Variants in SYT8 observed in about 807,000 individuals in gnomAD.
SYT8 encodes the protein synaptotagmin-8.
SYT8 carries 50 observed loss-of-function variants against 34.9 expected under a neutral mutation model. That is an observed-to-expected ratio of 1.43 (90% confidence interval 1.14 to 1.81). SYT8 has a LOEUF of 1.81. SYT8 is among the 40% of genes most tolerant of loss of function. SYT8 has a pLI of 0.00. For synonymous variants in SYT8, 255 were observed against 234.2 expected (o/e 1.09, Z -0.81); for missense variants, 595 against 529.0 (o/e 1.12, Z -1.22).
At position 1,836,565 on chromosome 11, in the gene SYT8, C is replaced by T. The variant is rs368562699; in HGVS notation, c.657C>T (p.Tyr219=). 4.3e-6 allele frequency: 7 copies of T among 1,611,800 alleles called. No individual in the cohort carries two copies. The highest frequency in any genetic ancestry group is 5.1e-6 in the Non-Finnish European group (6 of 1,179,490). ...TGCAGCATGTTCTGGAGCACTGGTACCTGCTGGGCCCGCCGGCTGCCACTC... is the reference window on the plus strand; with the variant it reads ...TGCAGCATGTTCTGGAGCACTGGTATCTGCTGGGCCCGCCGGCTGCCACTC... ...VDLQHVLEHW[Y]LLGPPAATQP... Residue 219 remains tyrosine, a synonymous_variant, in exon 5 of 8, where the codon TAC becomes TAT. Coordinates refer to ENST00000341958, the MANE Select transcript of SYT8 (RefSeq NM_001394072.1).
intron 5 of SYT8, 60 bp from the exon 6 acceptor site, chr11:1,836,696 C>G: frequency 6.3e-7 from 1 of 1,595,236 alleles, no homozygotes; most frequent in Non-Finnish European, 8.5e-7. Flanking sequence ...TTTCGGGGGT[C>G]TGAGCCCCAA....
At chr11:1,832,246 G>C (rs948228300), upstream of SYT8, among the ~76,000 whole-genome samples, 5 of 152,170 alleles carry the variant, frequency 3.3e-5, no homozygotes, top group Admixed American at 1.3e-4. Flanking sequence ...ATGGGGATGC[G>C]GAGAGGCCTT....
At chr11:1,834,808 G>A, upstream of SYT8, 1 of 674,530 alleles carries the variant, frequency 1.5e-6, no homozygotes, top group Non-Finnish European at 2.6e-6. This position sits in a 1 kb window ranked among gnomAD's most constrained non-coding sequence, Gnocchi z 4.5. Flanking sequence ...TGAAGGCAGG[G>A]ACTAGGCTGC....
chr11:1,834,071 A>T (rs186379969), upstream of SYT8: 27 of 165,318 alleles, frequency 1.6e-4, no homozygotes, highest in Non-Finnish European at 2.5e-4. This position sits in a 1 kb window ranked among gnomAD's most constrained non-coding sequence, Gnocchi z 4.5. Context: ...ATGTGGAGGA[A>T]CAGAGTCTCC....
rs768570485 is a variant in SYT8 at position 1,836,867 on chromosome 11, G to A, written c.790+6G>A. 3.7e-6 allele frequency: 6 copies of A among 1,611,930 alleles called. No individual in the cohort carries two copies. The Admixed American group carries it at 5.0e-5, about 13-fold the overall frequency. On this transcript the variant is annotated splice_donor_region_variant and intron_variant, in intron 6 of 7. Coordinates refer to ENST00000341958, the MANE Select transcript of SYT8 (RefSeq NM_001394072.1). ...CCTGCGTCCAGGACTTGCAGGTGAG[G>A]GTCACACCTGCCCACGTTGTTGTAC...
At position 1,836,272 on chromosome 11, in the gene SYT8, C is replaced by T. The variant is rs368199009; in HGVS notation, c.504C>T (p.Thr168=). ...CGCTCTGCCCCGTGTTTGACGAGAC[C>T]TGCTGCTTCCACGTGAGTCAGGGAT... ...RGTLCPVFDE[T]CCFHIPQAEL... is the part of the protein sequence containing the mutation. Residue 168 remains threonine, a synonymous_variant, in exon 4 of 8, where the codon ACC becomes ACT. Coordinates refer to ENST00000341958, the MANE Select transcript of SYT8 (RefSeq NM_001394072.1). The T allele has an allele frequency of 1.9e-6, 3 of 1,557,404 alleles. No homozygotes were observed. Among genetic ancestry groups the T allele is most frequent in the East Asian group, 4.5e-5 (2 of 43,974 alleles).
At chr11:1,835,784 CG>C in intron 2 of SYT8, 101 bp from the exon 3 acceptor site, 4 of 1,038,728 alleles carry the variant, frequency 3.9e-6, no homozygotes, top group Non-Finnish European at 4.4e-6. Context: ...GGCCTGGAGG[CG>C]GGGGGTCTTG....
chr11:1,835,227 G>T, intron 1 of SYT8, 28 bp downstream of exon 1: 1 of 1,611,136 alleles, frequency 6.2e-7, no homozygotes. Flanking sequence ...CAAGAGGGGT[G>T]TGGGGATAAC....
chr11:1,834,707 T>C (rs1589787002), upstream of SYT8: 57 of 1,243,670 alleles, frequency 4.6e-5, no homozygotes, highest in East Asian at 1.4e-3. The surrounding 1 kb of genome is among the most constrained non-coding windows in gnomAD (Gnocchi z 4.5). Flanking sequence ...GGGCCCAGGG[T>C]CCAGGGCCCA....
chr11:1,835,067 C>A lies in SYT8; in HGVS notation c.-39C>A, dbSNP rs777148962. ...GGGGCCACCCTCCCAGCTGACCCAG[C>A]CTCCTGGGCCGCTTCTTCCAAACCA... On this transcript the variant is annotated 5_prime_UTR_variant, in exon 1 of 8. Transcript: ENST00000341958. 3.7e-6 allele frequency: 6 copies of A among 1,605,640 alleles called. No homozygotes were observed. The South Asian group carries it at 6.6e-5, about 18-fold the overall frequency.
In SYT8 at chr11:1,835,876, C is replaced by G; in HGVS notation, c.259-10C>G. 6.2e-7 allele frequency: 1 copy of G among 1,610,166 alleles called. No homozygotes were observed. The highest frequency in any genetic ancestry group is 8.5e-7 in the Non-Finnish European group (1 of 1,177,468). ...CAGCACCACCTGCCCCTTGTCCCAA[C>G]TCACTCCAGGTGCAACCTGATGTGG... On this transcript the variant is annotated splice_polypyrimidine_tract_variant and intron_variant, in intron 2 of 7. Transcript: ENST00000341958.
rs1846886872 is a variant in SYT8 at position 1,835,902 on chromosome 11, A to T, written c.275A>T (p.Asp92Val). The change falls in exon 3 of 8, where the codon GAT (aspartate) becomes GTT (valine). Residue 92 changes from aspartate to valine, a missense_variant. Coordinates refer to ENST00000341958, the MANE Select transcript of SYT8 (RefSeq NM_001394072.1). ...TTTHLVQPDV[D>V]GLESSPGDAQ... ...TCACTCCAGGTGCAACCTGATGTGGATGGCCTGGAGTCCAGCCCGGGGGAT... is the reference window on the plus strand; with the variant it reads ...TCACTCCAGGTGCAACCTGATGTGGTTGGCCTGGAGTCCAGCCCGGGGGAT... 2 of 1,611,738 alleles carry T rather than the reference A, an allele frequency of 1.2e-6. No individual in the cohort carries two copies. The highest frequency in any genetic ancestry group is 1.7e-5 in the Admixed American group (1 of 59,562).
chr11:1,836,218 C>A lies in SYT8; in HGVS notation c.450C>A (p.His150Gln). 6.3e-7 allele frequency: 1 copy of A among 1,593,124 alleles called. No individual in the cohort carries two copies. Among genetic ancestry groups the A allele is most frequent in the Non-Finnish European group, 8.5e-7 (1 of 1,170,978 alleles). Residue 150 changes from histidine (H) to glutamine (Q), a missense_variant, in exon 4 of 8, where the codon CAC becomes CAA. Physicochemically the swap from His to Gln is conservative, Grantham distance 24. Transcript: ENST00000341958. The stretch of plus-strand genomic sequence containing the variant: ...TCAGCGTCTCCACCCAGGCCGGACA[C>A]AGACATGAGACAAAAGTGCACCGAG... ...ARVSVSTQAG[H>Q]RHETKVHRGT...
In SYT8 at chr11:1,835,160, A is replaced by G. The variant is rs775754099; in HGVS notation, c.55A>G (p.Ile19Val). Residue 19 changes from isoleucine to valine, a missense_variant, in exon 1 of 8, where the codon ATA (isoleucine) becomes GTA (valine). Coordinates refer to ENST00000341958, the MANE Select transcript of SYT8 (RefSeq NM_001394072.1). Reference protein sequence around the residue: ...SAPAPAGTTAIPGLIPDLVAG... With the variant: ...SAPAPAGTTAVPGLIPDLVAG... Reference sequence around the variant, plus strand: ...CCCGGCCCCAGCTGGCACCACAGCTATACCTGGGCTTATTCCAGACCTTGT... The same window carrying G: ...CCCGGCCCCAGCTGGCACCACAGCTGTACCTGGGCTTATTCCAGACCTTGT... 5 of 1,613,476 alleles carry G rather than the reference A, an allele frequency of 3.1e-6. No individual in the cohort carries two copies. Among genetic ancestry groups the G allele is most frequent in the Non-Finnish European group, 4.2e-6 (5 of 1,179,932 alleles).
At position 1,836,176 on chromosome 11, in the gene SYT8, G is replaced by A; in HGVS notation, c.408G>A (p.Val136=). The A allele has an allele frequency of 2.6e-6, 4 of 1,553,346 alleles. No homozygotes were observed. The highest frequency in any genetic ancestry group is 3.5e-6 in the Non-Finnish European group (4 of 1,152,150). Residue 136 remains valine (V), a synonymous_variant, in exon 4 of 8, where the codon GTG becomes GTA. Transcript: ENST00000341958. ...CCGACCTGAGGCCTGGGGGCACCGT[G>A]GACCCCTATGCCCGGGTCAGCGTCT... ...QAADLRPGGT[V]DPYARVSVST... is the part of the protein sequence containing the mutation.
Position 1,835,345 on chromosome 11 carries a change from C to T in SYT8, c.144C>T (p.Leu48=), listed in dbSNP as rs556491023. ...IAGALAAGVL[L]VSCLLCAACC... ...GCGCCCTTGCCGCGGGCGTCCTCCT[C>T]GTCTCCTGCCTCCTCTGTGCTGCCT... Residue 48 remains leucine, a synonymous_variant, in exon 2 of 8, where the codon CTC becomes CTT. Transcript: ENST00000341958. 32 of 1,604,436 alleles carry T rather than the reference C, an allele frequency of 2.0e-5. No individual in the cohort carries two copies. The highest frequency in any genetic ancestry group is 1.7e-4 in the Middle Eastern group (1 of 6,038).
rs773622622 is a variant in SYT8, at chr11:1,836,547, T to C, written c.639T>C (p.His213=). The change falls in exon 5 of 8, where the codon CAT becomes CAC. Residue 213 remains histidine, a synonymous_variant. Coordinates refer to ENST00000341958, the MANE Select transcript of SYT8 (RefSeq NM_001394072.1). ...CACTGGGCACCGTGGATCTGCAGCA[T>C]GTTCTGGAGCACTGGTACCTGCTGG... ...RLPLGTVDLQ[H]VLEHWYLLGP... 4.3e-6 allele frequency: 7 copies of C among 1,612,570 alleles called. No homozygotes were observed. The South Asian group carries it at 4.4e-5, about 10-fold the overall frequency.
At position 1,835,333 on chromosome 11, in the gene SYT8, G is replaced by A. The variant is rs574181176; in HGVS notation, c.132G>A (p.Ala44=). ...RWALIAGALA[A]GVLLVSCLLC... Reference sequence around the variant, plus strand: ...CTCTCATTGCCGGCGCCCTTGCCGCGGGCGTCCTCCTCGTCTCCTGCCTCC... The same window carrying A: ...CTCTCATTGCCGGCGCCCTTGCCGCAGGCGTCCTCCTCGTCTCCTGCCTCC... The change falls in exon 2 of 8, where the codon GCG becomes GCA. Residue 44 remains alanine, a synonymous_variant. Transcript: ENST00000341958. The A allele has an allele frequency of 3.5e-5, 56 of 1,602,548 alleles. No individual in the cohort carries two copies. The highest frequency in any genetic ancestry group is 2.0e-4 in the African/African-American group (15 of 74,878).
intron 2 of SYT8, 192 bp downstream of exon 2, chr11:1,835,651 T>C: frequency 1.3e-6 from 1 of 767,584 alleles, no homozygotes; most frequent in Non-Finnish European, 2.1e-6. Context: ...GGCTGCCCCA[T>C]GGGCCCGAGG....
Sources: gnomAD v4.1 joint callset for allele counts (sites outside exome capture counted in the v4.1 genomes callset) on GRCh38, gnomAD v4.1.1 for gene constraint, Gnocchi (gnomAD v3.1) non-coding constraint, MANE v1.5 for transcripts, NCBI Gene and HGNC (gene_info 2026-07-23, HGNC 2026-07-21) for gene names.